PXDNL: variants seen among roughly 807,000 people sequenced by gnomAD.
PXDNL encodes peroxidasin like, also known as probable oxidoreductase PXDNL.
A neutral mutation model predicts 150.8 loss-of-function variants in PXDNL; 145 were observed. The ratio of observed to expected loss-of-function variants is 0.96; its 90% CI spans 0.84 to 1.10. PXDNL has a LOEUF of 1.10. Ranked by LOEUF, PXDNL falls within the 50% of genes least tolerant of loss-of-function variation. The pLI is 0.00. For synonymous variants in PXDNL, 757 were observed against 725.7 expected, an observed-to-expected ratio of 1.04 and a Z score of -0.69; for missense variants, 2,087 against 1,873.9, an observed-to-expected ratio of 1.11 and a Z score of -2.10.
intron 3 of PXDNL, among the ~76,000 whole-genome samples, chr8:51,586,891 C>A (rs796348751): frequency 6.6e-6 from 1 of 152,116 alleles, no homozygotes; most frequent in Admixed American, 6.5e-5. Flanking sequence ...AGAATGATAA[C>A]CATGGCCAGA....
At chr8:51,741,469 A>G (rs1054344089) in intron 1 of PXDNL, among the ~76,000 whole-genome samples, 1 of 152,134 alleles carries the variant, frequency 6.6e-6, no homozygotes, top group African/African-American at 2.4e-5. Context: ...TAAAGGACAG[A>G]CAAGTTTATT....
intron 1 of PXDNL, among the ~76,000 whole-genome samples, chr8:51,726,178 T>A (rs1300749451): frequency 6.6e-6 from 1 of 152,210 alleles, no homozygotes; most frequent in Non-Finnish European, 1.5e-5. Context: ...TCAAATCAGT[T>A]CTTGAATAGT....
At chr8:51,630,810 G>A (rs925271404) in intron 2 of PXDNL, among the ~76,000 whole-genome samples, 2 of 151,632 alleles carry the variant, frequency 1.3e-5, no homozygotes, top group African/African-American at 4.8e-5. Flanking sequence ...AGAGAAAAGG[G>A]AATGCTTATA....
chr8:51,392,304 C>T (rs932682879), intron 17 of PXDNL, among the ~76,000 whole-genome samples: 8 of 152,088 alleles, frequency 5.3e-5, no homozygotes, highest in African/African-American at 1.4e-4. Flanking sequence ...ATGGGGATGG[C>T]GTTGAATCTA....
At chr8:51,623,515 G>A (rs1814300543) in intron 2 of PXDNL, among the ~76,000 whole-genome samples, 1 of 152,174 alleles carries the variant, frequency 6.6e-6, no homozygotes, top group South Asian at 2.1e-4. Flanking sequence ...TGTGTATTTG[G>A]CACATTATCA....
At chr8:51,473,913 A>G (rs1255419766) in intron 7 of PXDNL, among the ~76,000 whole-genome samples, 1 of 152,138 alleles carries the variant, frequency 6.6e-6, no homozygotes. Flanking sequence ...TTTTTAAACA[A>G]TTTTCCCAAA....
chr8:51,550,310 G>T (rs1263000692), intron 4 of PXDNL, among the ~76,000 whole-genome samples: 1 of 152,066 alleles, frequency 6.6e-6, no homozygotes, highest in East Asian at 1.9e-4. Context: ...GATAAAGAAA[G>T]AGGGAATCCT....
intron 19 of PXDNL, among the ~76,000 whole-genome samples, chr8:51,356,287 G>A (rs1806505608): frequency 1.3e-5 from 2 of 152,156 alleles, no homozygotes; most frequent in Admixed American, 6.5e-5. Context: ...CTGGGAGTTT[G>A]AGACCAGCCT....
chr8:51,360,097 T>C lies in PXDNL; in HGVS notation c.3901+11776A>G, dbSNP rs114179886. ...AAGGCAAGCATTTTCCACCTATATA[T>C]ATGCACACACCTATACATGTGTACA... On this transcript the variant is annotated intron_variant, in intron 19 of 22. Coordinates refer to ENST00000356297, the MANE Select transcript of PXDNL (RefSeq NM_144651.5). 9.9e-3 allele frequency among the ~76,000 whole-genome samples: 1,491 copies of C among 150,306 alleles called. 21 individuals are homozygous for C. Among genetic ancestry groups the C allele is most frequent in the African/African-American group, 0.035 (1,409 of 40,526 alleles).
chr8:51,398,276 C>A (rs1339459217), intron 17 of PXDNL, among the ~76,000 whole-genome samples: 1 of 152,214 alleles, frequency 6.6e-6, no homozygotes, highest in Non-Finnish European at 1.5e-5. Flanking sequence ...GCACTCGAGG[C>A]TGCCATCCCA....
At chr8:51,755,355 C>T (rs546722326) in intron 1 of PXDNL, among the ~76,000 whole-genome samples, 1 of 150,952 alleles carries the variant, frequency 6.6e-6, no homozygotes, top group African/African-American at 2.4e-5. Context: ...AGTGCAGGGG[C>T]ACTATGTTGG....
chr8:51,556,336 G>C (rs979401095), intron 4 of PXDNL, among the ~76,000 whole-genome samples: 2 of 151,986 alleles, frequency 1.3e-5, no homozygotes, highest in Non-Finnish European at 2.9e-5. Context: ...AACTAACATT[G>C]AAGTTAATTT....
At chr8:51,477,266 T>G (rs1260266186) in intron 6 of PXDNL, among the ~76,000 whole-genome samples, 1 of 152,270 alleles carries the variant, frequency 6.6e-6, no homozygotes, top group Non-Finnish European at 1.5e-5. Flanking sequence ...TTAGTAGCTT[T>G]AAATTGCTAA....
intron 19 of PXDNL, among the ~76,000 whole-genome samples, chr8:51,365,998 C>A (rs953062668): frequency 6.6e-6 from 1 of 152,136 alleles, no homozygotes; most frequent in South Asian, 2.1e-4. Flanking sequence ...TAGATTCCAA[C>A]AAAAGAAGGT....
intron 4 of PXDNL, among the ~76,000 whole-genome samples, chr8:51,533,358 C>A (rs1811948349): frequency 6.6e-6 from 1 of 152,004 alleles, no homozygotes; most frequent in African/African-American, 2.4e-5. Flanking sequence ...ACCATGTTGG[C>A]CAGGCTGGTC....
chr8:51,675,361 G>C (rs759549571), intron 1 of PXDNL, among the ~76,000 whole-genome samples: 1 of 152,138 alleles, frequency 6.6e-6, no homozygotes, highest in Non-Finnish European at 1.5e-5. Flanking sequence ...TGAGGATACA[G>C]CATTCCTTCC....
intron 1 of PXDNL, among the ~76,000 whole-genome samples, chr8:51,687,355 A>G (rs2130857094): frequency 6.6e-6 from 1 of 152,348 alleles, no homozygotes; most frequent in East Asian, 1.9e-4. Context: ...ATAACAAGAT[A>G]TGGTAAAAAT....
At chr8:51,697,978 G>T (rs1369885821) in intron 1 of PXDNL, among the ~76,000 whole-genome samples, 1 of 152,192 alleles carries the variant, frequency 6.6e-6, no homozygotes, top group African/African-American at 2.4e-5. Context: ...ATAGCACTGT[G>T]ACTTTAAAAA....
At chr8:51,614,851 G>A (rs770283052) in intron 2 of PXDNL, among the ~76,000 whole-genome samples, 6 of 152,074 alleles carry the variant, frequency 3.9e-5, no homozygotes, top group Non-Finnish European at 7.4e-5. Context: ...CAACTTCTTA[G>A]TAGGAGAAAT....
Sources: allele counts gnomAD v4.1 joint callset (sites outside exome capture counted in the v4.1 genomes callset), GRCh38; gene constraint gnomAD v4.1.1; transcripts MANE v1.5; gene names NCBI Gene and HGNC (gene_info 2026-07-23, HGNC 2026-07-21).